Variants in AGBL4 observed in about 807,000 individuals in gnomAD.
AGBL4 encodes the protein cytosolic carboxypeptidase 6.
Under a neutral mutation model 66.4 loss-of-function variants are expected in AGBL4, and 58 were observed. The observed-to-expected ratio is 0.87, with a 90% confidence interval of 0.71 to 1.09. The LOEUF (loss-of-function observed/expected upper bound fraction) is 1.09. Among genes scored for constraint, AGBL4 ranks in the 50% least tolerant of loss-of-function variants. The pLI, the probability that AGBL4 is intolerant of heterozygous loss-of-function variation, is 0.00. For missense variants in AGBL4, 579 were observed against 631.0 expected, an observed-to-expected ratio of 0.92 and a Z score of 0.88; for synonymous variants, 234 against 222.9, an observed-to-expected ratio of 1.05 and a Z score of -0.44.
chr1:49,883,395 A>T (rs1176896774), intron 1 of AGBL4, among the ~76,000 whole-genome samples: 9 of 152,068 alleles, frequency 5.9e-5, no homozygotes, highest in Non-Finnish European at 1.0e-4. Flanking sequence ...AAAGATAATT[A>T]TTGCTTCTCT....
intron 9 of AGBL4, among the ~76,000 whole-genome samples, chr1:48,611,133 T>C (rs1002443145): frequency 1.3e-5 from 2 of 152,208 alleles, no homozygotes; most frequent in African/African-American, 4.8e-5. Flanking sequence ...TGCCCTGATA[T>C]CTGTTTGTGA....
At chr1:49,930,612 C>T (rs1282787510) in intron 1 of AGBL4, among the ~76,000 whole-genome samples, 3 of 152,046 alleles carry the variant, frequency 2.0e-5, no homozygotes, top group Non-Finnish European at 2.9e-5. Context: ...ATGAAGAACA[C>T]AAGGTTGGTT....
intron 4 of AGBL4, among the ~76,000 whole-genome samples, chr1:49,124,070 C>A (rs1429803514): frequency 6.6e-6 from 1 of 152,108 alleles, no homozygotes; most frequent in Non-Finnish European, 1.5e-5. Flanking sequence ...ATAGACATGG[C>A]CAGCTGGAGG....
intron 2 of AGBL4, among the ~76,000 whole-genome samples, chr1:49,813,317 C>G (rs181464065): frequency 3.3e-5 from 5 of 152,260 alleles, no homozygotes; most frequent in Admixed American, 2.6e-4. Context: ...TGCCACATCA[C>G]TAAGATGGAA....
intron 3 of AGBL4, among the ~76,000 whole-genome samples, chr1:49,669,823 T>C (rs532200853): frequency 2.5e-4 from 38 of 152,212 alleles, no homozygotes; most frequent in Non-Finnish European, 2.1e-4. Flanking sequence ...ATACATATAT[T>C]GCTCAGATCT....
At chr1:48,848,186 T>G (rs529625406) in intron 6 of AGBL4, among the ~76,000 whole-genome samples, 45 of 152,240 alleles carry the variant, frequency 3.0e-4, no homozygotes, top group Non-Finnish European at 8.8e-5. Context: ...CCCTGCAGGC[T>G]ACGGTGAAAA....
chr1:49,535,966 C>A (rs549444623), intron 3 of AGBL4, among the ~76,000 whole-genome samples: 1 of 152,340 alleles, frequency 6.6e-6, no homozygotes, highest in East Asian at 1.9e-4. Flanking sequence ...GCTGGGATTA[C>A]AGGCGTGAGC....
At chr1:49,535,232 T>A (rs146917118) in intron 3 of AGBL4, among the ~76,000 whole-genome samples, 1 of 151,862 alleles carries the variant, frequency 6.6e-6, no homozygotes, top group East Asian at 1.9e-4. Context: ...GGAAAGGATA[T>A]ATTAGTCAAT....
intron 3 of AGBL4, among the ~76,000 whole-genome samples, chr1:49,380,923 A>G (rs1290253198): frequency 6.6e-6 from 1 of 152,242 alleles, no homozygotes; most frequent in Non-Finnish European, 1.5e-5. Context: ...ACCATTCAGG[A>G]CATACGCATG....
intron 5 of AGBL4, among the ~76,000 whole-genome samples, chr1:49,022,656 C>A (rs1040749035): frequency 6.6e-6 from 1 of 152,104 alleles, no homozygotes; most frequent in Non-Finnish European, 1.5e-5. Flanking sequence ...GCCCCTGTAA[C>A]CTTCTCCTCA....
intron 3 of AGBL4, among the ~76,000 whole-genome samples, chr1:49,538,450 C>T (rs1042284558): frequency 3.3e-5 from 5 of 152,050 alleles, no homozygotes; most frequent in Non-Finnish European, 4.4e-5. Context: ...ATTGGGGTGA[C>T]GGATACAATA....
At chr1:48,718,463 C>A (rs868432432) in intron 6 of AGBL4, among the ~76,000 whole-genome samples, 23 of 152,292 alleles carry the variant, frequency 1.5e-4, no homozygotes, top group Admixed American at 7.2e-4. Flanking sequence ...ATTTAAAGAC[C>A]CACTGGAAAA....
At chr1:49,190,549 T>C (rs1296853031) in intron 4 of AGBL4, among the ~76,000 whole-genome samples, 1 of 152,222 alleles carries the variant, frequency 6.6e-6, no homozygotes, top group Non-Finnish European at 1.5e-5. Flanking sequence ...AATACCCATA[T>C]TAATTAGTGG....
At chr1:49,906,634 A>T (rs1479044406) in intron 1 of AGBL4, among the ~76,000 whole-genome samples, 2 of 151,714 alleles carry the variant, frequency 1.3e-5, no homozygotes, top group African/African-American at 4.9e-5. Flanking sequence ...ATTTGTCAAG[A>T]TATACTAACA....
At chr1:48,672,974 A>G (rs444167) in intron 6 of AGBL4, among the ~76,000 whole-genome samples, 85,169 of 126,314 alleles carry the variant, frequency 0.67, 24,188 homozygotes, top group Middle Eastern at 0.74. Context: ...GGCCCTTTGA[A>G]ATTTGTATTG....
intron 2 of AGBL4, among the ~76,000 whole-genome samples, chr1:49,727,334 T>C (rs1036192075): frequency 5.3e-5 from 8 of 152,106 alleles, no homozygotes; most frequent in African/African-American, 1.9e-4. Flanking sequence ...TCCACAAGAC[T>C]GGGATATATA....
intron 2 of AGBL4, among the ~76,000 whole-genome samples, chr1:49,793,578 G>A (rs565732722): frequency 4.6e-5 from 7 of 152,072 alleles, no homozygotes; most frequent in Non-Finnish European, 7.4e-5. Context: ...GAGCATCTGC[G>A]TAAATAGTAG....
chr1:48,530,784 C>G (rs971271689), downstream of AGBL4, among the ~76,000 whole-genome samples: 2 of 152,194 alleles, frequency 1.3e-5, no homozygotes, highest in East Asian at 1.9e-4. Flanking sequence ...TGATCCCTCT[C>G]CTTCTCACCC....
chr1:49,292,278 G>T (rs949964764), intron 3 of AGBL4, among the ~76,000 whole-genome samples: 1 of 152,172 alleles, frequency 6.6e-6, no homozygotes, highest in Admixed American at 6.5e-5. Flanking sequence ...TGGTTTGCAG[G>T]CACTCCTTGG....
Sources: allele counts gnomAD v4.1 joint callset (sites outside exome capture counted in the v4.1 genomes callset), GRCh38; gene constraint gnomAD v4.1.1; transcripts MANE v1.5; gene names NCBI Gene and HGNC (gene_info 2026-07-23, HGNC 2026-07-21).